HSPE1: variants seen among roughly 807,000 people sequenced by gnomAD.
The protein encoded by HSPE1 is heat shock protein family E (Hsp10) member 1, also known as 10 kDa heat shock protein, mitochondrial.
In HSPE1, 1 loss-of-function variant was observed where a neutral mutation model predicts 13.2. The ratio of observed to expected loss-of-function variants is 0.08; its 90% CI spans 0.03 to 0.36. The LOEUF (loss-of-function observed/expected upper bound fraction) is 0.36. Among genes scored for constraint, HSPE1 ranks in the 10% least tolerant of loss-of-function variants. HSPE1 has a pLI of 0.99. For missense variants in HSPE1, 73 were observed against 118.7 expected (o/e 0.62, Z 1.79); for synonymous variants, 44 against 42.0 (o/e 1.05, Z -0.19).
chr2:197,501,167 C>G lies in HSPE1; in HGVS notation c.97C>G (p.Leu33Val). The G allele has an allele frequency of 6.2e-7, 1 of 1,614,126 alleles. No individual in the cohort carries two copies. The highest frequency in any genetic ancestry group is 8.5e-7 in the Non-Finnish European group (1 of 1,180,008). The change falls in exon 2 of 4, where the codon CTT becomes GTT. Residue 33 changes from leucine (L) to valine (V), a missense_variant. Coordinates refer to ENST00000233893, the MANE Select transcript of HSPE1 (RefSeq NM_002157.3). ...AETVTKGGIM[L>V]PEKSQGKVLQ... ...AACTGTAACCAAAGGAGGCATTATG[C>G]TTCCAGAAAAATCTCAAGGAAAAGT...
rs2086248335 is a variant in HSPE1, at chr2:197,501,076, A to G, written c.6A>G (p.Ala2=). ...TCAAAACATTTCTCTTCCTACAGGCAGGACAAGCGTTTAGAAAGTTTCTTC... is the reference window on the plus strand; with the variant it reads ...TCAAAACATTTCTCTTCCTACAGGCGGGACAAGCGTTTAGAAAGTTTCTTC... The part of the protein sequence containing the change: M[A]GQAFRKFLPL... The change falls in exon 2 of 4, where the codon GCA becomes GCG. Residue 2 remains alanine (A), a splice_region_variant and synonymous_variant. Transcript: ENST00000233893. 2 of 1,611,666 alleles carry G rather than the reference A, an allele frequency of 1.2e-6. No homozygotes were observed. Among genetic ancestry groups the G allele is most frequent in the Non-Finnish European group, 1.7e-6 (2 of 1,179,244 alleles).
chr2:197,500,832 A>T, intron 1 of HSPE1: 1 of 590,596 alleles, frequency 1.7e-6, no homozygotes, highest in South Asian at 2.3e-5. Flanking sequence ...ACTAAGGTTG[A>T]CCTTAAAGCT....
chr2:197,501,057 C>T lies in HSPE1; in HGVS notation c.4-17C>T. On this transcript the variant is annotated splice_polypyrimidine_tract_variant and intron_variant, in intron 1 of 3. Transcript: ENST00000233893. ...ATTACATTTAGTTTTTGTTTCAAAA[C>T]ATTTCTCTTCCTACAGGCAGGACAA... The T allele has an allele frequency of 6.2e-7, 1 of 1,604,972 alleles. No individual in the cohort carries two copies. The highest frequency in any genetic ancestry group is 8.5e-7 in the Non-Finnish European group (1 of 1,174,968).
At position 197,500,397 on chromosome 2, in the gene HSPE1, C is replaced by T. The variant is rs767791912; in HGVS notation, c.-40C>T. The T allele has an allele frequency of 2.5e-6, 4 of 1,595,206 alleles. No individual in the cohort carries two copies. The highest frequency in any genetic ancestry group is 1.1e-5 in the South Asian group (1 of 87,982). ...CCGGACTGCGAGTCTCTTTGCGGCG[C>T]TACACTAGAGCAGAGTACGAGTCTG... On this transcript the variant is annotated 5_prime_UTR_variant, in exon 1 of 4. Coordinates refer to ENST00000233893, the MANE Select transcript of HSPE1 (RefSeq NM_002157.3).
At chr2:197,502,518 A>C (rs2086269963) in intron 2 of HSPE1, among the ~76,000 whole-genome samples, 1 of 152,228 alleles carries the variant, frequency 6.6e-6, no homozygotes, top group African/African-American at 2.4e-5. Flanking sequence ...AGGAATAGGA[A>C]GACTTTGGGG....
At chr2:197,500,653 G>T (rs1410632510) in intron 1 of HSPE1, 13 of 697,922 alleles carry the variant, frequency 1.9e-5, no homozygotes, top group South Asian at 5.5e-5. Context: ...GTAAGGCAGG[G>T]GGGCGAGAAC....
Position 197,503,233 on chromosome 2 carries a change from G to T in HSPE1, c.283G>T (p.Asp95Tyr). The change falls in exon 4 of 4, where the codon GAC becomes TAC. Residue 95 changes from aspartate (D) to tyrosine (Y), a missense_variant. By Grantham distance (160) the Asp-to-Tyr change is radical (BLOSUM62 -3). Coordinates refer to ENST00000233893, the MANE Select transcript of HSPE1 (RefSeq NM_002157.3). ...GGATTATTTCCTATTTAGAGATGGT[G>T]ACATTCTTGGAAAGTACGTAGACTG... ...DKDYFLFRDG[D>Y]ILGKYVD 1 of 1,607,960 alleles carries T rather than the reference G, an allele frequency of 6.2e-7. No individual in the cohort carries two copies. Among genetic ancestry groups the T allele is most frequent in the South Asian group, 1.1e-5 (1 of 90,952 alleles).
At chr2:197,500,577 A>T in intron 1 of HSPE1, 138 bp downstream of exon 1, 1 of 1,336,978 alleles carries the variant, frequency 7.5e-7, no homozygotes, top group Non-Finnish European at 1.0e-6. Context: ...GGCACCTTGG[A>T]GCGGCAAGGC....
At position 197,501,146 on chromosome 2, in the gene HSPE1, G is replaced by A; in HGVS notation, c.76G>A (p.Val26Ile). 6.2e-7 allele frequency: 1 copy of A among 1,614,140 alleles called. No homozygotes were observed. Among genetic ancestry groups the A allele is most frequent in the African/African-American group, 1.3e-5 (1 of 75,050 alleles). Residue 26 changes from valine to isoleucine, a missense_variant, in exon 2 of 4, where the codon GTA becomes ATA. By Grantham distance (29) the Val-to-Ile change is conservative. Transcript: ENST00000233893. Reference protein sequence around the residue: ...VLVERSAAETVTKGGIMLPEK... With the variant: ...VLVERSAAETITKGGIMLPEK... The stretch of plus-strand genomic sequence containing the variant: ...GGTTGAAAGGAGTGCTGCTGAAACT[G>A]TAACCAAAGGAGGCATTATGCTTCC...
intron 1 of HSPE1, 45 bp downstream of exon 1, chr2:197,500,484 G>A: frequency 6.3e-7 from 1 of 1,577,178 alleles, no homozygotes; most frequent in Non-Finnish European, 8.6e-7. Flanking sequence ...GGGCCTGTCT[G>A]AGGCGTACGG....
intron 2 of HSPE1, among the ~76,000 whole-genome samples, chr2:197,502,113 A>G (rs942682558): frequency 6.6e-6 from 1 of 152,236 alleles, no homozygotes; most frequent in African/African-American, 2.4e-5. Context: ...AATCTTAACC[A>G]GTTGGTATAC....
intron 2 of HSPE1, 128 bp downstream of exon 2, chr2:197,501,366 G>C: frequency 9.3e-7 from 1 of 1,077,632 alleles, no homozygotes. Context: ...AACTGCTTTG[G>C]TTCTAATCTG....
At position 197,500,402 on chromosome 2, in the gene HSPE1, C is replaced by A. The variant is rs373852232; in HGVS notation, c.-35C>A. Reference sequence around the variant, plus strand: ...CTGCGAGTCTCTTTGCGGCGCTACACTAGAGCAGAGTACGAGTCTGAGGCG... The same window carrying A: ...CTGCGAGTCTCTTTGCGGCGCTACAATAGAGCAGAGTACGAGTCTGAGGCG... On this transcript the variant is annotated 5_prime_UTR_variant, in exon 1 of 4. Coordinates refer to ENST00000233893, the MANE Select transcript of HSPE1 (RefSeq NM_002157.3). 1 of 1,597,824 alleles carries A rather than the reference C, an allele frequency of 6.3e-7. No individual in the cohort carries two copies. Among genetic ancestry groups the A allele is most frequent in the Non-Finnish European group, 8.5e-7 (1 of 1,172,888 alleles).
chr2:197,503,444 A>G lies in HSPE1; in HGVS notation c.*185A>G, dbSNP rs930545762. 6.8e-6 allele frequency: 3 copies of G among 441,258 alleles called. No individual in the cohort carries two copies. The highest frequency in any genetic ancestry group is 1.2e-5 in the Non-Finnish European group (3 of 249,560). 27.3% of individuals were successfully genotyped at this position (441,258 alleles called of 1,614,324 possible). On this transcript the variant is annotated 3_prime_UTR_variant, in exon 4 of 4. Transcript: ENST00000233893. Reference sequence around the variant, plus strand: ...TAAACACTTCCAAATAAAAATATGTAAATGAGTGGTTAATCTTTAGTTATT... The same window carrying G: ...TAAACACTTCCAAATAAAAATATGTGAATGAGTGGTTAATCTTTAGTTATT...
chr2:197,502,292 T>C (rs866950973), intron 2 of HSPE1, among the ~76,000 whole-genome samples: 4 of 152,240 alleles, frequency 2.6e-5, no homozygotes, highest in African/African-American at 4.8e-5. Context: ...GTGTATTTTA[T>C]GTGTGGCCCA....
At chr2:197,500,505 C>T (rs1206501069) in intron 1 of HSPE1, 66 bp downstream of exon 1, 3 of 1,528,138 alleles carry the variant, frequency 2.0e-6, no homozygotes, top group Non-Finnish European at 2.7e-6. Flanking sequence ...GGATCCCTGA[C>T]GCCCCTCTTT....
chr2:197,502,897 C>G, intron 2 of HSPE1, 142 bp from the exon 3 acceptor site: 1 of 599,640 alleles, frequency 1.7e-6, no homozygotes, highest in East Asian at 2.7e-5. Context: ...TAGTATGAGT[C>G]GTATCACTTA....
chr2:197,502,630 G>C (rs1443733926), intron 2 of HSPE1, among the ~76,000 whole-genome samples: 1 of 152,166 alleles, frequency 6.6e-6, no homozygotes, highest in Admixed American at 6.5e-5. Flanking sequence ...TTAAATTTTT[G>C]TATGTTGAAA....
At position 197,503,337 on chromosome 2, in the gene HSPE1, A is replaced by G. The variant is rs2086278563; in HGVS notation, c.*78A>G. On this transcript the variant is annotated 3_prime_UTR_variant, in exon 4 of 4. Coordinates refer to ENST00000233893, the MANE Select transcript of HSPE1 (RefSeq NM_002157.3). ...TTCTGAAATCTTTCGTCATGTAAAT[A>G]ATTTCCATATTTCTCTTTTATAATA... 2 of 903,446 alleles carry G rather than the reference A, an allele frequency of 2.2e-6. No homozygotes were observed. The highest frequency in any genetic ancestry group is 1.8e-6 in the Non-Finnish European group (1 of 569,034). 56.0% of individuals were successfully genotyped at this position (903,446 alleles called of 1,614,324 possible).
Sources: gnomAD v4.1 joint callset for allele counts (sites outside exome capture counted in the v4.1 genomes callset) on GRCh38, gnomAD v4.1.1 for gene constraint, MANE v1.5 for transcripts, NCBI Gene and HGNC (gene_info 2026-07-23, HGNC 2026-07-21) for gene names.